PRKCH: variants seen among roughly 807,000 people sequenced by gnomAD.
PRKCH encodes protein kinase C eta, also known as protein kinase C eta type.
A neutral mutation model predicts 82.5 loss-of-function variants in PRKCH; 28 were observed. The ratio of observed to expected loss-of-function variants is 0.34; its 90% confidence interval spans 0.25 to 0.47. The LOEUF (loss-of-function observed/expected upper bound fraction) is 0.47. Among genes scored for constraint, PRKCH ranks in the 20% least tolerant of loss-of-function variants. PRKCH has a pLI of 1.00. For missense variants in PRKCH, 705 were observed against 881.8 expected (o/e 0.80, Z 2.54); for synonymous variants, 322 against 327.4 (o/e 0.98, Z 0.18).
chr14:61,507,498 G>A (rs1397365624), intron 10 of PRKCH, among the ~76,000 whole-genome samples: 2 of 152,078 alleles, frequency 1.3e-5, no homozygotes, highest in African/African-American at 2.4e-5. Flanking sequence ...TCATTGCAGC[G>A]TTATTCACGA....
chr14:61,191,263 C>T (rs1184199516), intron 1 of PRKCH, among the ~76,000 whole-genome samples: 2 of 152,192 alleles, frequency 1.3e-5, no homozygotes, highest in Non-Finnish European at 2.9e-5. Flanking sequence ...CCTATGTATT[C>T]TACACTTACA....
At chr14:61,439,730 A>AG (rs959785785) in intron 2 of PRKCH, among the ~76,000 whole-genome samples, 13 of 152,278 alleles carry the variant, frequency 8.5e-5, no homozygotes, top group African/African-American at 3.1e-4. Context: ...TGAGGCAGGT[A>AG]GGTTAAGGCT....
chr14:61,222,803 C>T (rs1011752542), intron 1 of PRKCH, among the ~76,000 whole-genome samples: 30 of 152,304 alleles, frequency 2.0e-4, no homozygotes, highest in African/African-American at 6.0e-4. Context: ...TATATTCTGT[C>T]TTCTTGGGAG....
chr14:61,482,184 A>G (rs556180612), intron 9 of PRKCH, among the ~76,000 whole-genome samples: 1 of 151,520 alleles, frequency 6.6e-6, no homozygotes, highest in South Asian at 2.1e-4. Flanking sequence ...TTTAGTAGAG[A>G]CGGGGTTTCA....
At chr14:61,388,750 G>A (rs1566852565) in intron 1 of PRKCH, among the ~76,000 whole-genome samples, 1 of 152,192 alleles carries the variant, frequency 6.6e-6, no homozygotes, top group Admixed American at 6.5e-5. Flanking sequence ...TATTTTCAGA[G>A]CTGTTCTATA....
chr14:61,533,773 C>T (rs192932981), intron 12 of PRKCH, among the ~76,000 whole-genome samples: 6 of 152,326 alleles, frequency 3.9e-5, no homozygotes, highest in African/African-American at 9.6e-5. Context: ...GCACAGGGTA[C>T]GTGCCCAGGA....
chr14:61,265,274 A>C (rs1443420364), intron 1 of PRKCH, among the ~76,000 whole-genome samples: 1 of 152,096 alleles, frequency 6.6e-6, no homozygotes, highest in African/African-American at 2.4e-5. Flanking sequence ...GGAACCCAGG[A>C]GTTCAAGACC....
At chr14:61,510,598 G>T (rs958223353) in intron 10 of PRKCH, among the ~76,000 whole-genome samples, 1 of 152,088 alleles carries the variant, frequency 6.6e-6, no homozygotes, top group African/African-American at 2.4e-5. Flanking sequence ...AACACTTCTG[G>T]TAGTTTTGCC....
At chr14:61,514,039 T>G (rs2042785918) in intron 10 of PRKCH, among the ~76,000 whole-genome samples, 1 of 152,062 alleles carries the variant, frequency 6.6e-6, no homozygotes, top group Admixed American at 6.6e-5. Flanking sequence ...CTAACTCACC[T>G]GAACAGTCAC....
chr14:61,211,794 C>T (rs760005614), intron 1 of PRKCH, among the ~76,000 whole-genome samples: 3 of 152,114 alleles, frequency 2.0e-5, no homozygotes, highest in Non-Finnish European at 4.4e-5. Flanking sequence ...GATCTGAAAT[C>T]GTGTCAAGAA....
At chr14:61,476,469 G>C (rs1258863904) in intron 9 of PRKCH, 1 of 152,234 alleles carries the variant, frequency 6.6e-6, no homozygotes, top group Non-Finnish European at 1.5e-5. Flanking sequence ...CTCTGACTCT[G>C]CTGTACCCCT....
chr14:61,438,609 A>G (rs2140270880), intron 2 of PRKCH, among the ~76,000 whole-genome samples: 1 of 152,344 alleles, frequency 6.6e-6, no homozygotes, highest in East Asian at 1.9e-4. Context: ...TTTTGAGTTA[A>G]AGTTACAACA....
chr14:61,236,129 G>A (rs1182431907), intron 1 of PRKCH, among the ~76,000 whole-genome samples: 2 of 152,200 alleles, frequency 1.3e-5, no homozygotes, highest in Admixed American at 6.5e-5. Flanking sequence ...CAGCACTTTG[G>A]AAGGCCGAGG....
At chr14:61,215,122 T>C (rs2044607792) in intron 1 of PRKCH, among the ~76,000 whole-genome samples, 1 of 152,218 alleles carries the variant, frequency 6.6e-6, no homozygotes, top group African/African-American at 2.4e-5. Flanking sequence ...TGATGGTTCA[T>C]TGCATCTCTC....
chr14:61,190,004 C>T (rs1298926237), intron 1 of PRKCH, among the ~76,000 whole-genome samples: 1 of 152,076 alleles, frequency 6.6e-6, no homozygotes, highest in Non-Finnish European at 1.5e-5. Context: ...TGTTCAATTT[C>T]ATCTTCATCA....
intron 1 of PRKCH, among the ~76,000 whole-genome samples, chr14:61,295,168 T>C (rs1360914715): frequency 1.3e-5 from 2 of 152,196 alleles, no homozygotes; most frequent in African/African-American, 4.8e-5. Flanking sequence ...GCCTGGCTCT[T>C]GTACCTATCT....
chr14:61,320,406 C>T (rs912210546), upstream of PRKCH, among the ~76,000 whole-genome samples: 3 of 152,104 alleles, frequency 2.0e-5, no homozygotes, highest in Non-Finnish European at 4.4e-5. Context: ...TTGAGACCAG[C>T]CTGACCAACA....
chr14:61,232,975 T>C (rs2044756538), intron 1 of PRKCH, among the ~76,000 whole-genome samples: 1 of 152,162 alleles, frequency 6.6e-6, no homozygotes, highest in African/African-American at 2.4e-5. Flanking sequence ...ACCAAATATA[T>C]ATTTCATAGT....
chr14:61,246,693 C>G (rs1415264714), intron 1 of PRKCH, among the ~76,000 whole-genome samples: 1 of 152,146 alleles, frequency 6.6e-6, no homozygotes, highest in East Asian at 1.9e-4. Flanking sequence ...TCTCTACTCT[C>G]CTCCTTGCCC....
Sources: allele counts gnomAD v4.1 joint callset (sites outside exome capture counted in the v4.1 genomes callset), GRCh38; gene constraint gnomAD v4.1.1; transcripts MANE v1.5; gene names NCBI Gene and HGNC (gene_info 2026-07-23, HGNC 2026-07-21).